Variants in DIAPH3 observed in about 807,000 individuals in gnomAD.
DIAPH3 encodes the protein protein diaphanous homolog 3.
Under a neutral mutation model 144.3 loss-of-function variants are expected in DIAPH3, and 117 were observed. The observed-to-expected ratio is 0.81, with a 90% CI of 0.70 to 0.95. DIAPH3 has a LOEUF of 0.95. DIAPH3 is among the 40% of genes least tolerant of loss of function. The pLI is 0.00. For synonymous variants in DIAPH3, 519 were observed against 488.9 expected (o/e 1.06, Z -0.81); for missense variants, 1,421 against 1,412.7 (o/e 1.01, Z -0.09).
intron 27 of DIAPH3, among the ~76,000 whole-genome samples, chr13:59,674,411 C>G (rs551477798): frequency 2.4e-4 from 36 of 152,140 alleles, no homozygotes; most frequent in Non-Finnish European, 4.4e-4. Flanking sequence ...TTAACATGCT[C>G]TATCATGATA....
At chr13:59,799,218 T>C (rs1268896367) in intron 25 of DIAPH3, among the ~76,000 whole-genome samples, 1 of 151,992 alleles carries the variant, frequency 6.6e-6, no homozygotes, top group East Asian at 1.9e-4. Flanking sequence ...GAGGCTGTTA[T>C]GGACGTAGAT....
At chr13:59,713,986 C>A (rs998615225) in intron 27 of DIAPH3, among the ~76,000 whole-genome samples, 3 of 152,190 alleles carry the variant, frequency 2.0e-5, no homozygotes, top group African/African-American at 7.2e-5. Flanking sequence ...GAGGCTGAGG[C>A]AGGAGGGTCC....
chr13:60,102,970 A>C (rs1452094592), intron 3 of DIAPH3, among the ~76,000 whole-genome samples: 2 of 152,118 alleles, frequency 1.3e-5, no homozygotes, highest in Non-Finnish European at 2.9e-5. Flanking sequence ...CCTGGAAACC[A>C]GGTCAATCAA....
chr13:60,001,720 G>T (rs1050963865), intron 9 of DIAPH3, among the ~76,000 whole-genome samples: 1 of 152,148 alleles, frequency 6.6e-6, no homozygotes, highest in Non-Finnish European at 1.5e-5. Flanking sequence ...GAACCCTACA[G>T]GTATGATCAT....
chr13:60,142,749 C>A (rs1377608628), intron 1 of DIAPH3, among the ~76,000 whole-genome samples: 2 of 151,958 alleles, frequency 1.3e-5, no homozygotes, highest in African/African-American at 4.8e-5. Context: ...CTTTTCCTTT[C>A]TTTTTTATTT....
At chr13:59,897,529 C>A (rs1228592143) in intron 20 of DIAPH3, among the ~76,000 whole-genome samples, 1 of 151,582 alleles carries the variant, frequency 6.6e-6, no homozygotes, top group African/African-American at 2.4e-5. Context: ...GGGGGCGGAT[C>A]ACAAGGTCAG....
chr13:59,965,126 T>G (rs2049976705), intron 17 of DIAPH3, among the ~76,000 whole-genome samples: 1 of 152,196 alleles, frequency 6.6e-6, no homozygotes, highest in South Asian at 2.1e-4. Context: ...GTTTATCACC[T>G]ACTTCCTCAA....
intron 1 of DIAPH3, among the ~76,000 whole-genome samples, chr13:60,160,039 C>T (rs774025274): frequency 5.9e-5 from 9 of 152,076 alleles, no homozygotes; most frequent in Admixed American, 6.5e-5. Context: ...TCCTGGTTAA[C>T]ACGGTTAACC....
rs1284513990 is a variant in DIAPH3, at chr13:59,766,375, G to A, written c.3319+7814C>T. On this transcript the variant is annotated intron_variant, in intron 27 of 27. Transcript: ENST00000400324. Reference sequence around the variant, plus strand: ...GATCACTTTCTTCTGACATTCCCTAGAGATCTGTCAGCCCCAATGACCTTG... The same window carrying A: ...GATCACTTTCTTCTGACATTCCCTAAAGATCTGTCAGCCCCAATGACCTTG... 2.0e-5 allele frequency among the ~76,000 whole-genome samples: 3 copies of A among 152,048 alleles called. No homozygotes were observed. The East Asian group carries it at 5.8e-4, about 29-fold the overall frequency.
chr13:59,842,364 G>C (rs1469141213), intron 22 of DIAPH3, among the ~76,000 whole-genome samples: 35 of 152,060 alleles, frequency 2.3e-4, no homozygotes, highest in Admixed American at 2.3e-3. Flanking sequence ...AGGTCTGAGG[G>C]ACTCCCATAT....
intron 25 of DIAPH3, among the ~76,000 whole-genome samples, chr13:59,808,354 CT>C (rs2040299008): frequency 1.3e-5 from 2 of 151,794 alleles, no homozygotes; most frequent in African/African-American, 4.8e-5. Flanking sequence ...AAAAGTCCAA[CT>C]TTAGTAATAC....
At chr13:60,045,061 G>T (rs534917998) in intron 4 of DIAPH3, among the ~76,000 whole-genome samples, 1 of 152,296 alleles carries the variant, frequency 6.6e-6, no homozygotes, top group Non-Finnish European at 1.5e-5. Flanking sequence ...CCCAGTCTTA[G>T]CTGGGTGCAG....
intron 3 of DIAPH3, among the ~76,000 whole-genome samples, chr13:60,101,954 T>A (rs767160497): frequency 1.3e-5 from 2 of 152,186 alleles, no homozygotes; most frequent in Non-Finnish European, 2.9e-5. Context: ...TCTTTTCACA[T>A]TTCATATGGT....
chr13:60,005,915 A>G (rs2052843610), intron 9 of DIAPH3, among the ~76,000 whole-genome samples: 1 of 152,198 alleles, frequency 6.6e-6, no homozygotes, highest in African/African-American at 2.4e-5. Flanking sequence ...AAGTCTTAAT[A>G]TCTTCTATAG....
At chr13:60,062,055 G>C (rs2056796122) in intron 4 of DIAPH3, among the ~76,000 whole-genome samples, 1 of 151,816 alleles carries the variant, frequency 6.6e-6, no homozygotes, top group South Asian at 2.1e-4. Flanking sequence ...TCCCACCTTA[G>C]GTTTATTTCC....
Position 60,042,801 on chromosome 13 carries a change from C to A in DIAPH3, c.515G>T (p.Arg172Leu), listed in dbSNP as rs1195078497. ...AATGAATTCCTGAGGTGAGATCTGT[C>A]GGCTTCTCTTAAGACTTCCCTATAA... ...ASKTGSLKRS[R>L]QISPQEFIHE... is the part of the protein sequence containing the mutation. Residue 172 changes from arginine (R) to leucine (L), a missense_variant, in exon 5 of 28, where the codon CGA becomes CTA. Arg to Leu is a moderately radical substitution (Grantham distance 102). Transcript: ENST00000400324. 6.2e-7 allele frequency: 1 copy of A among 1,613,474 alleles called. No homozygotes were observed. Among genetic ancestry groups the A allele is most frequent in the South Asian group, 1.1e-5 (1 of 91,032 alleles).
chr13:59,981,912 T>C (rs2051043902), intron 13 of DIAPH3, among the ~76,000 whole-genome samples: 1 of 151,532 alleles, frequency 6.6e-6, no homozygotes, highest in Non-Finnish European at 1.5e-5. Flanking sequence ...ACAGTATTTG[T>C]TCTCTAATCC....
chr13:59,951,031 A>G (rs1451616632), intron 17 of DIAPH3, among the ~76,000 whole-genome samples: 1 of 152,130 alleles, frequency 6.6e-6, no homozygotes, highest in African/African-American at 2.4e-5. Context: ...CAGCTTAGGT[A>G]AACAAGCTTT....
intron 18 of DIAPH3, among the ~76,000 whole-genome samples, chr13:59,924,304 A>G (rs2047655045): frequency 6.6e-6 from 1 of 152,150 alleles, no homozygotes; most frequent in South Asian, 2.1e-4. Context: ...AAGGCTTTGA[A>G]CTGCTCAGAT....
Sources: gnomAD v4.1 joint callset for allele counts (sites outside exome capture counted in the v4.1 genomes callset) on GRCh38, gnomAD v4.1.1 for gene constraint, MANE v1.5 for transcripts, NCBI Gene and HGNC (gene_info 2026-07-23, HGNC 2026-07-21) for gene names.